Variants in PRKG1 observed in about 807,000 individuals in gnomAD.
PRKG1 encodes protein kinase cGMP-dependent 1.
Under a neutral mutation model 88.1 loss-of-function variants are expected in PRKG1, and 35 were observed. That is an observed-to-expected ratio of 0.40 (90% CI 0.30 to 0.53). The LOEUF (loss-of-function observed/expected upper bound fraction) is 0.53, where lower values mean the gene tolerates loss of function less well. Ranked by LOEUF, PRKG1 falls within the 20% of genes least tolerant of loss-of-function variation. PRKG1 has a pLI of 0.59. For synonymous variants in PRKG1, 303 were observed against 292.5 expected (o/e 1.04, Z -0.37); for missense variants, 540 against 839.8 (o/e 0.64, Z 4.41).
intron 2 of PRKG1, among the ~76,000 whole-genome samples, chr10:51,268,160 A>G (rs1839885912): frequency 1.3e-5 from 2 of 152,192 alleles, no homozygotes; most frequent in Admixed American, 6.5e-5. Context: ...GTGTACGAAT[A>G]GAGTGTGGGT....
At chr10:51,782,325 G>A (rs1049421105) in intron 3 of PRKG1, among the ~76,000 whole-genome samples, 16 of 152,110 alleles carry the variant, frequency 1.1e-4, no homozygotes, top group Non-Finnish European at 2.2e-4. Flanking sequence ...GAGCCAAGGA[G>A]ATCTGTACAC....
intron 2 of PRKG1, among the ~76,000 whole-genome samples, chr10:51,411,621 C>A (rs1838091882): frequency 6.6e-6 from 1 of 152,100 alleles, no homozygotes; most frequent in African/African-American, 2.4e-5. Flanking sequence ...ATGCCCTGCA[C>A]TTTAGGTAAA....
intron 3 of PRKG1, among the ~76,000 whole-genome samples, chr10:51,801,169 T>C (rs1217310028): frequency 2.6e-5 from 4 of 152,102 alleles, no homozygotes; most frequent in Non-Finnish European, 5.9e-5. Flanking sequence ...TGTAAAGGGC[T>C]GGATAGGAAA....
At chr10:51,397,354 A>T (rs1395778648) in intron 2 of PRKG1, among the ~76,000 whole-genome samples, 1 of 152,124 alleles carries the variant, frequency 6.6e-6, no homozygotes, top group Non-Finnish European at 1.5e-5. Flanking sequence ...AATGTCAAAG[A>T]TTATAGTTTT....
intron 1 of PRKG1, among the ~76,000 whole-genome samples, chr10:51,135,462 G>T (rs1250720724): frequency 2.0e-5 from 3 of 152,120 alleles, no homozygotes; most frequent in Non-Finnish European, 4.4e-5. Flanking sequence ...GGGGCACTCA[G>T]AAGTTTTAAG....
intron 2 of PRKG1, among the ~76,000 whole-genome samples, chr10:51,331,156 G>A (rs1405883618): frequency 6.6e-6 from 1 of 152,066 alleles, no homozygotes; most frequent in Non-Finnish European, 1.5e-5. Flanking sequence ...GAATCCTTGG[G>A]ACCACTACAG....
chr10:51,179,013 A>C (rs1288668702), intron 2 of PRKG1, among the ~76,000 whole-genome samples: 1 of 152,216 alleles, frequency 6.6e-6, no homozygotes, highest in African/African-American at 2.4e-5. Context: ...AGTTTTTATT[A>C]TGTATGAGCA....
intron 4 of PRKG1, among the ~76,000 whole-genome samples, chr10:51,906,476 G>C (rs1298627916): frequency 6.6e-6 from 1 of 152,130 alleles, no homozygotes; most frequent in Non-Finnish European, 1.5e-5. Flanking sequence ...GTATATATTG[G>C]TTTGGTCTGG....
intron 3 of PRKG1, among the ~76,000 whole-genome samples, chr10:51,542,342 C>T (rs10823159): frequency 0.8 from 122,117 of 152,006 alleles, 49,815 homozygotes; most frequent in East Asian, 0.98. Flanking sequence ...ACTTTACGTG[C>T]ATCCACCAAT....
chr10:51,957,007 T>TTC (rs994075274), intron 5 of PRKG1, among the ~76,000 whole-genome samples: 1 of 150,628 alleles, frequency 6.6e-6, no homozygotes, highest in Non-Finnish European at 1.5e-5. Flanking sequence ...TTCTCTTTCT[T>TTC]TCTCTCTCTC....
At chr10:51,266,273 G>C (rs547172455) in intron 2 of PRKG1, among the ~76,000 whole-genome samples, 1 of 152,242 alleles carries the variant, frequency 6.6e-6, no homozygotes, top group South Asian at 2.1e-4. Flanking sequence ...ACGTAAAAGA[G>C]TTGTACTTCA....
intron 1 of PRKG1, among the ~76,000 whole-genome samples, chr10:51,137,229 C>T (rs993566255): frequency 4.0e-5 from 6 of 151,760 alleles, no homozygotes; most frequent in Non-Finnish European, 7.4e-5. Context: ...AAACTATGGC[C>T]GTGGGGGCAG....
At chr10:52,095,933 T>C (rs74135141) in intron 7 of PRKG1, among the ~76,000 whole-genome samples, 2,506 of 152,276 alleles carry the variant, frequency 0.016, 47 homozygotes, top group Middle Eastern at 0.061. Context: ...GGACCATAGC[T>C]GTGAGTGGTT....
intron 2 of PRKG1, among the ~76,000 whole-genome samples, chr10:51,345,929 C>T (rs889801188): frequency 3.3e-5 from 5 of 152,144 alleles, no homozygotes; most frequent in Admixed American, 1.3e-4. Flanking sequence ...ATTGATGTTT[C>T]TTCTGGAGAT....
intron 5 of PRKG1, among the ~76,000 whole-genome samples, chr10:51,919,747 T>C (rs1842423414): frequency 6.6e-6 from 1 of 152,128 alleles, no homozygotes; most frequent in Non-Finnish European, 1.5e-5. Flanking sequence ...AATCCTTTTG[T>C]ACAGTTTGTA....
At chr10:51,354,272 A>G (rs1010296498) in intron 2 of PRKG1, among the ~76,000 whole-genome samples, 1 of 152,070 alleles carries the variant, frequency 6.6e-6, no homozygotes, top group African/African-American at 2.4e-5. Flanking sequence ...AGTCAATAAT[A>G]ATTTAATTGT....
chr10:51,618,512 T>C (rs1167680603), intron 3 of PRKG1, among the ~76,000 whole-genome samples: 1 of 152,156 alleles, frequency 6.6e-6, no homozygotes, highest in African/African-American at 2.4e-5. Context: ...ACTTAATATA[T>C]ACTAGCCCCT....
At chr10:51,133,802 C>A (rs1589181706) in intron 1 of PRKG1, among the ~76,000 whole-genome samples, 1 of 152,132 alleles carries the variant, frequency 6.6e-6, no homozygotes, top group Admixed American at 6.6e-5. Context: ...TAAAAAAATT[C>A]TGCATAAATG....
intron 4 of PRKG1, among the ~76,000 whole-genome samples, chr10:51,900,128 T>G (rs1841948694): frequency 6.6e-6 from 1 of 152,210 alleles, no homozygotes; most frequent in African/African-American, 2.4e-5. Flanking sequence ...GCCTTAGGTA[T>G]TCTATTATAG....
Sources: gnomAD v4.1 joint callset for allele counts (sites outside exome capture counted in the v4.1 genomes callset) on GRCh38, gnomAD v4.1.1 for gene constraint, MANE v1.5 for transcripts, NCBI Gene and HGNC (gene_info 2026-07-23, HGNC 2026-07-21) for gene names.